Variants in NRG3 observed in about 807,000 individuals in gnomAD.
The protein encoded by NRG3 is neuregulin 3.
Under a neutral mutation model 66.9 loss-of-function variants are expected in NRG3, and 31 were observed. The ratio of observed to expected loss-of-function variants is 0.46; its 90% CI spans 0.35 to 0.63. The LOEUF (loss-of-function observed/expected upper bound fraction) is 0.63. Ranked by LOEUF, NRG3 falls within the 20% of genes least tolerant of loss-of-function variation. The probability of loss-of-function intolerance (pLI) is 0.00; values close to 1 mark genes in which losing one functional copy is unlikely to be tolerated. For synonymous variants in NRG3, 393 were observed against 359.4 expected, an observed-to-expected ratio of 1.09 and a Z score of -1.06; for missense variants, 910 against 878.9, an observed-to-expected ratio of 1.04 and a Z score of -0.45.
chr10:82,509,223 C>G (rs573964788), intron 2 of NRG3, among the ~76,000 whole-genome samples: 1 of 152,110 alleles, frequency 6.6e-6, no homozygotes, highest in African/African-American at 2.4e-5. Context: ...ACAACAGAAA[C>G]AGACTTTTCT....
At chr10:81,994,872 A>G (rs546175112) in intron 1 of NRG3, among the ~76,000 whole-genome samples, 5 of 152,108 alleles carry the variant, frequency 3.3e-5, no homozygotes, top group Non-Finnish European at 7.4e-5. Flanking sequence ...TTGTTTCTTC[A>G]TAAATCTATT....
chr10:82,799,742 A>G (rs575313200), intron 3 of NRG3: 1 of 152,252 alleles, frequency 6.6e-6, no homozygotes, highest in East Asian at 1.9e-4. Context: ...CAAGTGAGAC[A>G]CTGTAGCAGA....
chr10:82,804,389 T>G (rs2061187172), intron 3 of NRG3, among the ~76,000 whole-genome samples: 1 of 152,186 alleles, frequency 6.6e-6, no homozygotes, highest in South Asian at 2.1e-4. Flanking sequence ...AGGGCTTAAT[T>G]AAGATGGAAA....
chr10:82,891,084 C>T (rs1283829753), intron 4 of NRG3, among the ~76,000 whole-genome samples: 1 of 151,818 alleles, frequency 6.6e-6, no homozygotes, highest in Non-Finnish European at 1.5e-5. Flanking sequence ...ACTTTTTCTA[C>T]AAGTGTGTCC....
At chr10:82,965,343 G>A (rs1187982784) in intron 6 of NRG3, among the ~76,000 whole-genome samples, 2 of 152,160 alleles carry the variant, frequency 1.3e-5, no homozygotes, top group Middle Eastern at 3.2e-3. Flanking sequence ...GCTAATCTGA[G>A]CACTTAAATT....
intron 2 of NRG3, among the ~76,000 whole-genome samples, chr10:82,408,091 GA>G (rs2087723978): frequency 1.1e-5 from 1 of 91,164 alleles, no homozygotes; most frequent in African/African-American, 4.2e-5. Context: ...GAGACAGAAA[GA>G]AAGAAAGAAA....
chr10:82,296,097 G>T (rs1385212804), intron 1 of NRG3, among the ~76,000 whole-genome samples: 1 of 152,140 alleles, frequency 6.6e-6, no homozygotes, highest in Non-Finnish European at 1.5e-5. Context: ...ATGAGCATGA[G>T]TAACTCGGTA....
chr10:82,266,214 G>A (rs898664475), intron 1 of NRG3, among the ~76,000 whole-genome samples: 1 of 152,102 alleles, frequency 6.6e-6, no homozygotes, highest in Admixed American at 6.6e-5. Flanking sequence ...GGGTCTAATG[G>A]GATTGAGCCT....
At chr10:82,459,431 C>T (rs2091416766) in intron 2 of NRG3, among the ~76,000 whole-genome samples, 1 of 152,242 alleles carries the variant, frequency 6.6e-6, no homozygotes, top group Middle Eastern at 3.4e-3. Context: ...ATTCAAAAAC[C>T]ACCCACTGAG....
chr10:82,047,989 A>G (rs4511238), intron 1 of NRG3, among the ~76,000 whole-genome samples: 134,183 of 151,260 alleles, frequency 0.89, 60,679 homozygotes, highest in South Asian at 0.99. Context: ...ACAAAGATCA[A>G]AAGAGACAAA....
Position 82,599,998 on chromosome 10 carries a change from C to T in NRG3, c.954-138579C>T, listed in dbSNP as rs910220278. Among the ~76,000 whole-genome samples, 16 of 151,996 alleles carry T rather than the reference C, an allele frequency of 1.1e-4. No homozygotes were observed. In the East Asian group the frequency reaches 2.9e-3, roughly 27 times the overall value. ...ATGAAAATGCTCTCTGCATTCTCTACTTATAATACTTAAAAAAATAGTGAT... is the reference window on the plus strand; with the variant it reads ...ATGAAAATGCTCTCTGCATTCTCTATTTATAATACTTAAAAAAATAGTGAT... On this transcript the variant is annotated intron_variant, in intron 2 of 8. Coordinates refer to ENST00000372141, the MANE Select transcript of NRG3 (RefSeq NM_001010848.4).
At chr10:82,614,698 A>G (rs2048526371) in intron 2 of NRG3, among the ~76,000 whole-genome samples, 1 of 152,170 alleles carries the variant, frequency 6.6e-6, no homozygotes, top group Admixed American at 6.6e-5. Flanking sequence ...TCACAGTCTT[A>G]ACATTATTCT....
At chr10:82,625,387 T>TA (rs1182097229) in intron 2 of NRG3, among the ~76,000 whole-genome samples, 1 of 152,108 alleles carries the variant, frequency 6.6e-6, no homozygotes, top group Non-Finnish European at 1.5e-5. Flanking sequence ...AATACACAGA[T>TA]ACTTTTTTTA....
At chr10:82,012,994 C>T (rs1436223470) in intron 1 of NRG3, among the ~76,000 whole-genome samples, 2 of 152,188 alleles carry the variant, frequency 1.3e-5, no homozygotes, top group African/African-American at 4.8e-5. Context: ...GTTCCAATGT[C>T]ACTTCCACAT....
chr10:82,409,526 T>C (rs931768828), intron 2 of NRG3, among the ~76,000 whole-genome samples: 2 of 152,180 alleles, frequency 1.3e-5, no homozygotes, highest in Non-Finnish European at 2.9e-5. Flanking sequence ...CAACATTCTT[T>C]CATGAAGGAC....
chr10:82,611,489 G>T (rs1451290603), intron 2 of NRG3, among the ~76,000 whole-genome samples: 1 of 151,976 alleles, frequency 6.6e-6, no homozygotes, highest in Non-Finnish European at 1.5e-5. Context: ...TCATTGTTCA[G>T]TTCCCACCTA....
In NRG3 at chr10:82,979,045, G is replaced by A; in HGVS notation, c.1508G>A (p.Gly503Asp). Residue 503 changes from glycine (G) to aspartate (D), a missense_variant, in exon 8 of 9, where the codon GGT becomes GAT. Transcript: ENST00000372141. ...CCCCCGTCACCCCGAAGTAGGCTAG[G>A]TGGAATTGTGGGACCAGCATATCAG... Reference protein sequence around the residue: ...RTPPSPRSRLGGIVGPAYQQL... With the variant: ...RTPPSPRSRLDGIVGPAYQQL... 6.2e-7 allele frequency: 1 copy of A among 1,614,116 alleles called. No individual in the cohort carries two copies. Among genetic ancestry groups the A allele is most frequent in the South Asian group, 1.1e-5 (1 of 91,080 alleles).
chr10:82,038,923 A>G (rs1345646047), intron 1 of NRG3, among the ~76,000 whole-genome samples: 1 of 152,048 alleles, frequency 6.6e-6, no homozygotes, highest in Non-Finnish European at 1.5e-5. Context: ...GAGGCCATGT[A>G]TTCTATTTTC....
intron 2 of NRG3, among the ~76,000 whole-genome samples, chr10:82,603,124 T>C (rs1026549056): frequency 5.9e-5 from 9 of 152,176 alleles, no homozygotes; most frequent in Admixed American, 5.9e-4. Flanking sequence ...TCTTCCCTGA[T>C]TCAGTAAATT....
Sources: allele counts gnomAD v4.1 joint callset (sites outside exome capture counted in the v4.1 genomes callset), GRCh38; gene constraint gnomAD v4.1.1; transcripts MANE v1.5; gene names NCBI Gene and HGNC (gene_info 2026-07-23, HGNC 2026-07-21).